Variants in TBCE observed in about 807,000 individuals in gnomAD.
TBCE encodes the protein tubulin-specific chaperone E.
In TBCE, 53 loss-of-function variants were observed where a neutral mutation model predicts 77.0. The observed-to-expected ratio is 0.69, with a 90% confidence interval of 0.55 to 0.87. The LOEUF is 0.87. Ranked by LOEUF, TBCE falls within the 40% of genes least tolerant of loss-of-function variation. The pLI is 0.00. For missense variants in TBCE, 624 were observed against 622.4 expected, an observed-to-expected ratio of 1.00 and a Z score of -0.03; for synonymous variants, 235 against 241.3, an observed-to-expected ratio of 0.97 and a Z score of 0.24.
intron 2 of TBCE, among the ~76,000 whole-genome samples, chr1:235,396,779 C>T (rs1238362611): frequency 6.6e-6 from 1 of 152,052 alleles, no homozygotes; most frequent in Non-Finnish European, 1.5e-5. Context: ...TGTATGCCTT[C>T]CTTTGAGAAA....
chr1:235,441,745 T>C, intron 13 of TBCE, 69 bp from the exon 14 acceptor site: 1 of 1,422,470 alleles, frequency 7.0e-7, no homozygotes, highest in Non-Finnish European at 9.9e-7. Context: ...CCTTTGTTTG[T>C]TTGTTTGTTT....
intron 7 of TBCE, among the ~76,000 whole-genome samples, chr1:235,432,183 C>T (rs757536420): frequency 1.3e-4 from 20 of 152,054 alleles, no homozygotes; most frequent in Admixed American, 7.9e-4. Flanking sequence ...AGGGTTTCAC[C>T]ATGTTGGCCA....
chr1:235,385,263 T>G (rs1349310429), intron 2 of TBCE, among the ~76,000 whole-genome samples: 2 of 152,080 alleles, frequency 1.3e-5, no homozygotes, highest in African/African-American at 2.4e-5. Flanking sequence ...GGAATAGGTG[T>G]GGTGTGGTGC....
intron 5 of TBCE, among the ~76,000 whole-genome samples, chr1:235,422,491 G>A (rs760246469): frequency 2.0e-5 from 3 of 151,692 alleles, no homozygotes; most frequent in Non-Finnish European, 4.4e-5. Context: ...GCTCTAGCCT[G>A]GGTGACAGAG....
At chr1:235,430,878 T>G in intron 7 of TBCE, 74 bp downstream of exon 7, 1 of 1,175,372 alleles carries the variant, frequency 8.5e-7, no homozygotes, top group East Asian at 2.5e-5. Context: ...GAATTGTTAG[T>G]ACAGTTTAAT....
At chr1:235,422,061 C>T (rs1680429098) in intron 5 of TBCE, among the ~76,000 whole-genome samples, 1 of 152,140 alleles carries the variant, frequency 6.6e-6, no homozygotes, top group African/African-American at 2.4e-5. Flanking sequence ...CTCCGTTGAC[C>T]CCAGCGTGCT....
At chr1:235,396,356 C>A (rs185529007) in intron 2 of TBCE, among the ~76,000 whole-genome samples, 3 of 152,306 alleles carry the variant, frequency 2.0e-5, no homozygotes, top group Admixed American at 2.0e-4. Context: ...CCGTGCCCGG[C>A]CCTTATGTGT....
intron 1 of TBCE, among the ~76,000 whole-genome samples, chr1:235,378,077 A>G (rs1411067814): frequency 6.6e-6 from 1 of 152,210 alleles, no homozygotes; most frequent in Non-Finnish European, 1.5e-5. Flanking sequence ...CCCAGATGGC[A>G]TGTAACAGCA....
Position 235,448,850 on chromosome 1 carries a change from TCAAAA to T in TBCE, c.*93_*97del, listed in dbSNP as rs996244211. 8.8e-6 allele frequency: 9 copies of T among 1,016,982 alleles called. No individual in the cohort carries two copies. Among genetic ancestry groups the T allele is most frequent in the African/African-American group, 7.9e-5 (5 of 63,130 alleles). 63.0% of individuals were successfully genotyped at this position (1,016,982 alleles called of 1,614,324 possible). On this transcript the variant is annotated 3_prime_UTR_variant, in exon 17 of 17. Transcript: ENST00000642610. Reference sequence around the variant, plus strand: ...ATGATTCACTGGAACAATTCTACTGTCAAAACAAAGGGGGTTTACAACTTGTCCTA... The same window carrying T: ...ATGATTCACTGGAACAATTCTACTGTCAAAGGGGGTTTACAACTTGTCCTA...
At chr1:235,419,660 A>G (rs775362123) in intron 5 of TBCE, 99 bp downstream of exon 5, 24 of 1,519,274 alleles carry the variant, frequency 1.6e-5, no homozygotes, top group African/African-American at 4.1e-5. Context: ...AGTCTTGACA[A>G]CTTCCTTCCT....
chr1:235,438,832 A>G lies in TBCE; in HGVS notation c.1180A>G (p.Lys394Glu), dbSNP rs1681632676. 3 of 1,614,154 alleles carry G rather than the reference A, an allele frequency of 1.9e-6. No individual in the cohort carries two copies. The highest frequency in any genetic ancestry group is 2.5e-6 in the Non-Finnish European group (3 of 1,180,030). Residue 394 changes from lysine to glutamate, a missense_variant, in exon 13 of 17, where the codon AAA becomes GAA. Physicochemically the swap from Lys to Glu is moderately conservative, Grantham distance 56. Transcript: ENST00000642610. ...DYRKAFGNEWKQAGGHKDPEK... is the reference protein window; with the variant it reads ...DYRKAFGNEWEQAGGHKDPEK... ...CCGAAAAGCTTTTGGAAATGAGTGG[A>G]AACAGGCTGGTGGACATAAGGATCC... is the stretch of plus-strand genomic sequence containing the variant.
intron 2 of TBCE, among the ~76,000 whole-genome samples, chr1:235,382,599 T>C (rs1207466615): frequency 6.6e-6 from 1 of 152,126 alleles, no homozygotes; most frequent in Non-Finnish European, 1.5e-5. Context: ...GTTTTTTGGC[T>C]GCATAAATGT....
chr1:235,412,043 C>T (rs561429479), intron 3 of TBCE, among the ~76,000 whole-genome samples: 153 of 145,956 alleles, frequency 1.0e-3, no homozygotes, highest in African/African-American at 3.8e-3. Flanking sequence ...TAGCATTGGA[C>T]ATGGTTGTTG....
intron 2 of TBCE, among the ~76,000 whole-genome samples, chr1:235,394,643 G>A (rs1678621025): frequency 6.6e-6 from 1 of 151,748 alleles, no homozygotes; most frequent in Non-Finnish European, 1.5e-5. Context: ...CTGGTGTTTA[G>A]CACCTGGGCT....
rs386370043 is a variant in TBCE at position 235,394,418 on chromosome 1, C to CTTTTTTT, written c.101-7066_101-7060dup. ...GACATTTGATAATTTTTGATAATTT[C>CTTTTTTT]TTTTTTTTTTTTTTTTTTTTTTTTT... On this transcript the variant is annotated intron_variant, in intron 2 of 16. Coordinates refer to ENST00000642610, the MANE Select transcript of TBCE (RefSeq NM_003193.5). Among the ~76,000 whole-genome samples, 65 of 72,318 alleles carry CTTTTTTT rather than the reference C, an allele frequency of 9.0e-4. 2 individuals carry two copies. Among genetic ancestry groups the CTTTTTTT allele is most frequent in the East Asian group, 1.0e-3 (2 of 1,918 alleles). The allele number at this position is 72,318 out of a possible 152,430, so 47.4% of individuals were successfully genotyped here.
At chr1:235,432,275 T>C (rs9793740) in intron 7 of TBCE, among the ~76,000 whole-genome samples, 110,806 of 152,174 alleles carry the variant, frequency 0.73, 41,619 homozygotes, top group African/African-American at 0.92. Context: ...TGAGCCACTG[T>C]GCCCAGCTTG....
chr1:235,435,958 ATTGAGTAATTCCCTTT>A, intron 9 of TBCE, 118 bp downstream of exon 9: 1 of 950,338 alleles, frequency 1.1e-6, no homozygotes, highest in Non-Finnish European at 1.7e-6. Flanking sequence ...GAATTTCTAA[ATTGAGTAATTCCCTTT>A]GGGAAATTTT....
rs1414938913 is a variant in TBCE, at chr1:235,419,356, G to T, written c.372-117G>T. ...TTCTTAATTTGGGTGGTGGTTACTGGTATTTGTATATTATTTTTGGTACCC... is the reference window on the plus strand; with the variant it reads ...TTCTTAATTTGGGTGGTGGTTACTGTTATTTGTATATTATTTTTGGTACCC... On this transcript the variant is annotated intron_variant, in intron 4 of 16. Coordinates refer to ENST00000642610, the MANE Select transcript of TBCE (RefSeq NM_003193.5). The T allele has an allele frequency of 2.2e-5, 32 of 1,426,800 alleles. No homozygotes were observed. The East Asian group carries it at 7.5e-4, about 34-fold the overall frequency. The allele number at this position is 1,426,800 out of a possible 1,614,324, so 88.4% of individuals were successfully genotyped here. A position where few individuals can be genotyped will look rare whatever the true frequency, so the allele number is the denominator to read the frequency against.
intron 2 of TBCE, among the ~76,000 whole-genome samples, chr1:235,394,549 G>A (rs1211488970): frequency 6.9e-6 from 1 of 144,392 alleles, no homozygotes; most frequent in Non-Finnish European, 1.5e-5. Flanking sequence ...TCTCACCTTA[G>A]CCTCCCAAGT....
Sources: allele counts gnomAD v4.1 joint callset (sites outside exome capture counted in the v4.1 genomes callset), GRCh38; gene constraint gnomAD v4.1.1; transcripts MANE v1.5; gene names NCBI Gene and HGNC (gene_info 2026-07-23, HGNC 2026-07-21).